QTMAN: variants seen among roughly 807,000 people sequenced by gnomAD.
QTMAN encodes queuosine-tRNA mannosyltransferase.
the QTMAN span, among the ~76,000 whole-genome samples, chr2:144,001,674 T>C: frequency 6.6e-6 from 1 of 151,860 alleles, no homozygotes; most frequent in Admixed American, 6.6e-5. Flanking sequence ...ATTACAGGGG[T>C]TTTATGATCA....
the QTMAN span, among the ~76,000 whole-genome samples, chr2:144,284,743 G>T: frequency 6.6e-6 from 1 of 151,932 alleles, no homozygotes; most frequent in Non-Finnish European, 1.5e-5. Flanking sequence ...CCGTAAAAAG[G>T]TGTTAAGGGC....
the QTMAN span, among the ~76,000 whole-genome samples, chr2:144,218,698 C>A: frequency 6.6e-6 from 1 of 152,162 alleles, no homozygotes; most frequent in East Asian, 1.9e-4. Context: ...AATTTTGAAA[C>A]AGAAATAGCA....
At chr2:143,939,168 G>C in the QTMAN span, 1 of 152,186 alleles carries the variant, frequency 6.6e-6, no homozygotes, top group Non-Finnish European at 1.5e-5. Context: ...TGTAAAATAA[G>C]TAAGGTGAAA....
chr2:144,151,779 T>C, the QTMAN span, among the ~76,000 whole-genome samples: 3 of 152,234 alleles, frequency 2.0e-5, no homozygotes, highest in South Asian at 6.2e-4. Flanking sequence ...ATAAAACTTG[T>C]GTAGAGAGAT....
chr2:144,212,058 T>C, the QTMAN span, among the ~76,000 whole-genome samples: 2 of 152,242 alleles, frequency 1.3e-5, no homozygotes, highest in Non-Finnish European at 2.9e-5. Context: ...TGCTAGAAGA[T>C]GGCAGAGAGC....
At chr2:144,301,177 C>T in the QTMAN span, among the ~76,000 whole-genome samples, 1 of 152,106 alleles carries the variant, frequency 6.6e-6, no homozygotes, top group Non-Finnish European at 1.5e-5. Context: ...CACAGCTATG[C>T]AACTTAGTAA....
the QTMAN span, among the ~76,000 whole-genome samples, chr2:144,044,708 T>C: frequency 6.6e-6 from 1 of 152,140 alleles, no homozygotes; most frequent in Non-Finnish European, 1.5e-5. Flanking sequence ...AGTAGAGATA[T>C]CAAAAATATC....
At chr2:144,292,420 G>A in the QTMAN span, among the ~76,000 whole-genome samples, 2 of 152,012 alleles carry the variant, frequency 1.3e-5, no homozygotes, top group African/African-American at 4.8e-5. Flanking sequence ...TATCTTTTAA[G>A]AACTAATACA....
the QTMAN span, among the ~76,000 whole-genome samples, chr2:144,274,592 G>A: frequency 6.6e-6 from 1 of 152,190 alleles, no homozygotes; most frequent in East Asian, 1.9e-4. Context: ...TTCAGTTCGA[G>A]GAGCTTCCAG....
chr2:144,028,148 A>G, the QTMAN span, among the ~76,000 whole-genome samples: 1 of 152,194 alleles, frequency 6.6e-6, no homozygotes, highest in Non-Finnish European at 1.5e-5. Context: ...AAAAGAAATC[A>G]TTTGTCATTA....
the QTMAN span, among the ~76,000 whole-genome samples, chr2:144,091,089 G>C: frequency 1.3e-5 from 2 of 151,980 alleles, no homozygotes; most frequent in South Asian, 4.1e-4. Context: ...AGGTAATTAA[G>C]TAGAGGCGAC....
the QTMAN span, among the ~76,000 whole-genome samples, chr2:144,297,577 C>CTTTTTTT: frequency 1.7e-5 from 2 of 119,304 alleles, no homozygotes; most frequent in Non-Finnish European, 3.5e-5. Flanking sequence ...AGGATTCCGT[C>CTTTTTTT]TTTTTTTTTT....
chr2:143,987,771 C>A, the QTMAN span, among the ~76,000 whole-genome samples: 1 of 152,150 alleles, frequency 6.6e-6, no homozygotes, highest in Non-Finnish European at 1.5e-5. Context: ...AGAAGACAAA[C>A]AATTATTTAT....
the QTMAN span, among the ~76,000 whole-genome samples, chr2:144,045,489 C>T: frequency 3.5e-4 from 53 of 152,140 alleles, no homozygotes; most frequent in African/African-American, 1.3e-3. Context: ...CACAATATCC[C>T]GGTGCATCAA....
At chr2:144,143,466 T>C in the QTMAN span, among the ~76,000 whole-genome samples, 21 of 152,074 alleles carry the variant, frequency 1.4e-4, no homozygotes, top group African/African-American at 5.1e-4. Flanking sequence ...ACAATGTTAA[T>C]ATCTAGCAGA....
chr2:144,061,353 C>T, the QTMAN span, among the ~76,000 whole-genome samples: 4 of 152,318 alleles, frequency 2.6e-5, no homozygotes, highest in African/African-American at 4.8e-5. Flanking sequence ...GCTACTTTTA[C>T]AGCTTACAAG....
At chr2:144,244,967 T>G in the QTMAN span, among the ~76,000 whole-genome samples, 2 of 152,228 alleles carry the variant, frequency 1.3e-5, no homozygotes, top group Non-Finnish European at 2.9e-5. Flanking sequence ...TGCTGCCTGC[T>G]ACATGCATGA....
the QTMAN span, among the ~76,000 whole-genome samples, chr2:144,194,256 G>T: frequency 6.6e-6 from 1 of 152,124 alleles, no homozygotes. Flanking sequence ...CACAAATCTT[G>T]AAGATAAAAG....
chr2:144,210,029 G>A, the QTMAN span, among the ~76,000 whole-genome samples: 4 of 150,544 alleles, frequency 2.7e-5, no homozygotes, highest in South Asian at 8.6e-4. Flanking sequence ...TTGGGAGGAT[G>A]GGGGAATATA....
Sources: gnomAD v4.1 joint callset for allele counts (sites outside exome capture counted in the v4.1 genomes callset) on GRCh38, gnomAD v4.1.1 for gene constraint, MANE v1.5 for transcripts, NCBI Gene and HGNC (gene_info 2026-07-23, HGNC 2026-07-21) for gene names.